The following KIAA0319L variants were observed in gnomAD, a reference collection of about 807,000 sequenced individuals.
KIAA0319L encodes KIAA0319 like.
A neutral mutation model predicts 120.1 loss-of-function variants in KIAA0319L; 55 were observed. The ratio of observed to expected loss-of-function variants is 0.46; its 90% CI spans 0.37 to 0.57. KIAA0319L has a LOEUF of 0.57. Ranked by LOEUF, KIAA0319L falls within the 20% of genes least tolerant of loss-of-function variation. KIAA0319L has a pLI of 0.00. For synonymous variants in KIAA0319L, 398 were observed against 471.9 expected, an observed-to-expected ratio of 0.84 and a Z score of 2.03; for missense variants, 1,049 against 1,255.3, an observed-to-expected ratio of 0.84 and a Z score of 2.48.
At chr1:35,458,125 AC>A (rs1291705925) in intron 9 of KIAA0319L, among the ~76,000 whole-genome samples, 1 of 152,036 alleles carries the variant, frequency 6.6e-6, no homozygotes, top group East Asian at 1.9e-4. Flanking sequence ...TTTAGTAGAG[AC>A]GGGGTTTCAC....
intron 4 of KIAA0319L, among the ~76,000 whole-genome samples, chr1:35,477,666 CAAAA>C (rs34588440): frequency 7.2e-5 from 4 of 55,676 alleles, no homozygotes; most frequent in Admixed American, 1.7e-4. Context: ...GACTCTGTCT[CAAAA>C]AAAAAAAAAA....
intron 3 of KIAA0319L, among the ~76,000 whole-genome samples, chr1:35,489,290 T>G (rs937551512): frequency 6.6e-6 from 1 of 152,160 alleles, no homozygotes; most frequent in Non-Finnish European, 1.5e-5. Flanking sequence ...TTTATCCTTC[T>G]GAAAAAAATT....
intron 3 of KIAA0319L, among the ~76,000 whole-genome samples, chr1:35,503,128 C>T (rs1252294699): frequency 6.6e-6 from 1 of 152,144 alleles, no homozygotes; most frequent in Admixed American, 6.6e-5. Context: ...ATTACCCACT[C>T]CCCCCAATCC....
At chr1:35,450,123 A>G in intron 14 of KIAA0319L, 118 bp from the exon 15 acceptor site, 1 of 1,255,608 alleles carries the variant, frequency 8.0e-7, no homozygotes, top group Non-Finnish European at 1.1e-6. Context: ...AACCTTGGGC[A>G]GTTCCTGATA....
At chr1:35,482,099 C>T (rs1644195426) in intron 3 of KIAA0319L, among the ~76,000 whole-genome samples, 1 of 152,104 alleles carries the variant, frequency 6.6e-6, no homozygotes, top group South Asian at 2.1e-4. Context: ...GCTGGGATTA[C>T]AGGCGTGAGC....
rs538408366 is a variant in KIAA0319L at position 35,516,581 on chromosome 1, C to T, written c.143-9446G>A. On this transcript the variant is annotated intron_variant, in intron 2 of 20. Coordinates refer to ENST00000325722, the MANE Select transcript of KIAA0319L (RefSeq NM_024874.5). Reference sequence around the variant, plus strand: ...TAATAAGAACCATTTATGACAAACCCACAGCCAACAAACATCATACTGAAT... The same window carrying T: ...TAATAAGAACCATTTATGACAAACCTACAGCCAACAAACATCATACTGAAT... Among the ~76,000 whole-genome samples the T allele has an allele frequency of 2.6e-5, 4 of 152,220 alleles. No individual in the cohort carries two copies. The East Asian group carries it at 7.7e-4, about 29-fold the overall frequency.
chr1:35,480,176 G>T (rs1644104818), intron 3 of KIAA0319L, among the ~76,000 whole-genome samples: 1 of 152,042 alleles, frequency 6.6e-6, no homozygotes, highest in Non-Finnish European at 1.5e-5. Context: ...AATTAACATG[G>T]TCTGTATTGG....
rs1310128225 is a variant in KIAA0319L at position 35,453,568 on chromosome 1, C to T, written c.1902G>A (p.Trp634Ter). 1.9e-6 allele frequency: 3 copies of T among 1,613,608 alleles called. No individual in the cohort carries two copies. Among genetic ancestry groups the T allele is most frequent in the Admixed American group, 1.7e-5 (1 of 59,960 alleles). Residue 634 changes from tryptophan (W) to a stop codon, truncating the protein, a stop_gained, in exon 12 of 21, where the codon TGG becomes TGA. Coordinates refer to ENST00000325722, the MANE Select transcript of KIAA0319L (RefSeq NM_024874.5). LOFTEE classifies it high-confidence loss of function. This position sits in a 1 kb window ranked among gnomAD's most constrained non-coding sequence, Gnocchi z 4.1. Reference protein sequence around the residue: ...SDDQKIISYLWEKTQGPDGVQ... With the variant: ...SDDQKIISYL ...GTGTCAATACTCACTGTGTTTTTTC[C>T]CAGAGATATGAGATAATTTTCTGAT...
Position 35,504,397 on chromosome 1 carries a change from C to A in KIAA0319L, c.666+2215G>T, listed in dbSNP as rs376061718. 1.1e-4 allele frequency among the ~76,000 whole-genome samples: 17 copies of A among 152,208 alleles called. No homozygotes were observed. The East Asian group carries it at 1.5e-3, about 14-fold the overall frequency. ...ATTTTTAGTAGAGACAAGGTTTCAC[C>A]GTGTTATCCAGAATGGTCTCGATCT... On this transcript the variant is annotated intron_variant, in intron 3 of 20. Coordinates refer to ENST00000325722, the MANE Select transcript of KIAA0319L (RefSeq NM_024874.5).
At chr1:35,554,020 T>C (rs1647560958) in intron 2 of KIAA0319L, among the ~76,000 whole-genome samples, 1 of 152,204 alleles carries the variant, frequency 6.6e-6, no homozygotes, top group Non-Finnish European at 1.5e-5. Context: ...AATCAAACCA[T>C]GAGGTAGATA....
intron 3 of KIAA0319L, among the ~76,000 whole-genome samples, chr1:35,479,966 A>AAC (rs1553203227): frequency 0.042 from 5,421 of 130,544 alleles, 205 homozygotes; most frequent in East Asian, 0.28. Flanking sequence ...AAAAAAAAAA[A>AAC]AAAAAACACA....
chr1:35,479,061 G>C lies in KIAA0319L; in HGVS notation c.818C>G (p.Thr273Ser). The change falls in exon 4 of 21, where the codon ACC becomes AGC. Residue 273 changes from threonine to serine, a missense_variant. Thr to Ser is a moderately conservative substitution (Grantham distance 58). Coordinates refer to ENST00000325722, the MANE Select transcript of KIAA0319L (RefSeq NM_024874.5). ...STQQVKSSEK[T>S]QIAVPQPVAP... ...CACTGGCTGGGGGACAGCAATCTGG[G>C]TTTTCTCAGAACTTTTTACTTGTTG... 6.2e-7 allele frequency: 1 copy of C among 1,614,172 alleles called. No homozygotes were observed. Among genetic ancestry groups the C allele is most frequent in the Non-Finnish European group, 8.5e-7 (1 of 1,180,014 alleles).
intron 2 of KIAA0319L, among the ~76,000 whole-genome samples, chr1:35,539,966 C>A (rs1023710421): frequency 1.3e-5 from 2 of 152,162 alleles, no homozygotes; most frequent in Non-Finnish European, 2.9e-5. Context: ...CCCCTTATTA[C>A]CTAAAAGTGA....
intron 2 of KIAA0319L, among the ~76,000 whole-genome samples, chr1:35,513,288 A>ATATATATATATATATAT (rs1414704674): frequency 3.5e-5 from 3 of 85,338 alleles, no homozygotes; most frequent in East Asian, 2.9e-4. Context: ...ATATATATAT[A>ATATATATATATATATAT]TTTTTTTTTT....
chr1:35,544,088 C>T (rs543564453), intron 2 of KIAA0319L, among the ~76,000 whole-genome samples: 2 of 152,220 alleles, frequency 1.3e-5, no homozygotes, highest in South Asian at 4.1e-4. Context: ...GAAGACTGGG[C>T]CGGGCATGGT....
At chr1:35,527,907 T>C (rs1558602018) in intron 2 of KIAA0319L, among the ~76,000 whole-genome samples, 1 of 152,010 alleles carries the variant, frequency 6.6e-6, no homozygotes, top group Non-Finnish European at 1.5e-5. Flanking sequence ...TTTCCTTCCT[T>C]CTACTAATTT....
chr1:35,470,970 G>C lies in KIAA0319L; in HGVS notation c.1016-10C>G. The C allele has an allele frequency of 6.5e-7, 1 of 1,530,018 alleles. No individual in the cohort carries two copies. The highest frequency in any genetic ancestry group is 2.3e-5 in the East Asian group (1 of 44,426). The allele number at this position is 1,530,018 out of a possible 1,614,324, so 94.8% of individuals were successfully genotyped here. On this transcript the variant is annotated splice_polypyrimidine_tract_variant and intron_variant, in intron 5 of 20. Coordinates refer to ENST00000325722, the MANE Select transcript of KIAA0319L (RefSeq NM_024874.5). ...TAGGTGTAGGTTTCTCCTATAGAAG[G>C]GCAGTTACAAAAATCATGAAAACAC...
intron 12 of KIAA0319L, 142 bp from the exon 13 acceptor site, chr1:35,451,918 T>C (rs1642095241): frequency 3.5e-6 from 3 of 862,342 alleles, no homozygotes; most frequent in African/African-American, 1.7e-5. Context: ...TTTAAAAATA[T>C]TTCAATTGGA....
rs138793828 is a variant in KIAA0319L at position 35,545,418 on chromosome 1, T to G, written c.142+8932A>C. On this transcript the variant is annotated intron_variant, in intron 2 of 20. Coordinates refer to ENST00000325722, the MANE Select transcript of KIAA0319L (RefSeq NM_024874.5). ...CACAGAGTATAACATGGTATAATCA[T>G]AGAGAGATGCATAGATATTATGAGA... Among the ~76,000 whole-genome samples the G allele has an allele frequency of 1.1e-3, 166 of 152,266 alleles. 2 individuals are homozygous for G. Among genetic ancestry groups the G allele is most frequent in the African/African-American group, 3.6e-3 (151 of 41,542 alleles).
Sources: gnomAD v4.1 joint callset for allele counts (sites outside exome capture counted in the v4.1 genomes callset) on GRCh38, gnomAD v4.1.1 for gene constraint, Gnocchi (gnomAD v3.1) non-coding constraint, MANE v1.5 for transcripts, NCBI Gene and HGNC (gene_info 2026-07-23, HGNC 2026-07-21) for gene names.